Variants in ANKRD13D observed in about 807,000 individuals in gnomAD.
ANKRD13D encodes the protein ankyrin repeat domain 13D, also known as ankyrin repeat domain-containing protein 13D.
Under a neutral mutation model 68.8 loss-of-function variants are expected in ANKRD13D, and 24 were observed. The ratio of observed to expected loss-of-function variants is 0.35; its 90% CI spans 0.25 to 0.49. The LOEUF (loss-of-function observed/expected upper bound fraction) is 0.49, where lower values mean the gene tolerates loss of function less well. Among genes scored for constraint, ANKRD13D ranks in the 20% least tolerant of loss-of-function variants. ANKRD13D has a pLI of 0.99. For missense variants in ANKRD13D, 735 were observed against 832.1 expected (o/e 0.88, Z 1.44); for synonymous variants, 331 against 336.1 (o/e 0.98, Z 0.16).
chr11:67,290,348 G>A lies in ANKRD13D; in HGVS notation c.253G>A (p.Asp85Asn), dbSNP rs1258578607. 6.4e-7 allele frequency: 1 copy of A among 1,564,782 alleles called. No homozygotes were observed. Among genetic ancestry groups the A allele is most frequent in the East Asian group, 2.3e-5 (1 of 42,600 alleles). Residue 85 changes from aspartate (D) to asparagine (N), a missense_variant, in exon 3 of 15, where the codon GAC (aspartate) becomes AAC (asparagine). Transcript: ENST00000511455. ...AVLQEAVSTGDPEMVQLVLQY... is the reference protein window; with the variant it reads ...AVLQEAVSTGNPEMVQLVLQY... ...CCTGCAGGAGGCAGTCAGCACTGGA[G>A]ACCCCGAGATGGTGCAGCTGGTGCT...
In ANKRD13D at chr11:67,300,840, G is replaced by T; in HGVS notation, c.1074-150G>T. 4.0e-6 allele frequency: 4 copies of T among 991,354 alleles called. No individual in the cohort carries two copies. Among genetic ancestry groups the T allele is most frequent in the Non-Finnish European group, 4.3e-6 (3 of 693,332 alleles). The allele number at this position is 991,354 out of a possible 1,614,324, so 61.4% of individuals were successfully genotyped here. A position where few individuals can be genotyped will look rare whatever the true frequency, so the allele number is the denominator to read the frequency against. ...CCACGTGGCCAGGACACCAGCTCCC[G>T]GGGGAGGCGGGCAGCGGCATCTGAG... On this transcript the variant is annotated intron_variant, in intron 10 of 14. Transcript: ENST00000511455. The surrounding 1 kb of genome is among the most constrained non-coding windows in gnomAD (Gnocchi z 4.3).
rs770703820 is a variant in ANKRD13D, at chr11:67,300,969, G to T, written c.1074-21G>T. ...GGGCCACCAGCCGTGCCTCACCCATGTCCTGTGGTCGGCTGGGCAGGTTCA... is the reference window on the plus strand; with the variant it reads ...GGGCCACCAGCCGTGCCTCACCCATTTCCTGTGGTCGGCTGGGCAGGTTCA... On this transcript the variant is annotated intron_variant, in intron 10 of 14. Coordinates refer to ENST00000511455, the MANE Select transcript of ANKRD13D (RefSeq NM_207354.3). This position sits in a 1 kb window ranked among gnomAD's most constrained non-coding sequence, Gnocchi z 4.3. The T allele has an allele frequency of 1.2e-6, 2 of 1,613,034 alleles. No homozygotes were observed. The highest frequency in any genetic ancestry group is 2.2e-5 in the South Asian group (2 of 91,034).
At chr11:67,292,207 G>T in intron 6 of ANKRD13D, 27 bp downstream of exon 6, 1 of 1,563,470 alleles carries the variant, frequency 6.4e-7, no homozygotes, top group Non-Finnish European at 8.7e-7. Context: ...CACACCGTGG[G>T]TGGGATGGGG....
chr11:67,289,876 G>A (rs1267234319), intron 1 of ANKRD13D: 20 of 1,430,228 alleles, frequency 1.4e-5, no homozygotes, highest in Non-Finnish European at 1.6e-5. Context: ...ACCAGGCCCC[G>A]CCGCCAGACC....
At chr11:67,296,338 AGT>A (rs35848734) in intron 6 of ANKRD13D, among the ~76,000 whole-genome samples, 8,898 of 147,666 alleles carry the variant, frequency 0.06, 898 homozygotes, top group African/African-American at 0.21. Flanking sequence ...TTTGGGCCTG[AGT>A]GTGTGTGTGT....
At position 67,301,926 on chromosome 11, in the gene ANKRD13D, C is replaced by A; in HGVS notation, c.1604+103C>A. ...CTAGGACCCCAGGCCCTCTGCAAGG[C>A]CACCCTCTGTCAGCAGCGCTATCTG... On this transcript the variant is annotated intron_variant, in intron 14 of 14. Transcript: ENST00000511455. This position sits in a 1 kb window ranked among gnomAD's most constrained non-coding sequence, Gnocchi z 4.5. The A allele has an allele frequency of 7.3e-7, 1 of 1,378,214 alleles. No homozygotes were observed. The highest frequency in any genetic ancestry group is 9.7e-7 in the Non-Finnish European group (1 of 1,027,740). The allele number at this position is 1,378,214 out of a possible 1,614,324, so 85.4% of individuals were successfully genotyped here. A position where few individuals can be genotyped will look rare whatever the true frequency, so the allele number is the denominator to read the frequency against.
At chr11:67,294,806 G>A (rs905647065) in intron 6 of ANKRD13D, among the ~76,000 whole-genome samples, 3 of 152,020 alleles carry the variant, frequency 2.0e-5, no homozygotes, top group African/African-American at 7.3e-5. Flanking sequence ...CACCGTGCCT[G>A]GCCACTAAGG....
chr11:67,290,074 C>T lies in ANKRD13D; in HGVS notation c.91-4C>T, dbSNP rs1170783864. ...GCCCTTTGTGAGTGTCCCGTCTCCC[C>T]CAGCACGACATTGAACAGGAGGACC... On this transcript the variant is annotated splice_region_variant and splice_polypyrimidine_tract_variant and intron_variant, in intron 1 of 14. Coordinates refer to ENST00000511455, the MANE Select transcript of ANKRD13D (RefSeq NM_207354.3). 6 of 1,536,672 alleles carry T rather than the reference C, an allele frequency of 3.9e-6. No homozygotes were observed. The highest frequency in any genetic ancestry group is 5.2e-6 in the Non-Finnish European group (6 of 1,146,582).
At position 67,299,838 on chromosome 11, in the gene ANKRD13D, C is replaced by A; in HGVS notation, c.892C>A (p.Pro298Thr). ...CCCCTTCTCCGTAGCGGGGAAGACT[C>A]CATTCCAGTCCTTCCTGGGGATGGC... ...DKSRSKAGKT[P>T]FQSFLGMAQQ... Residue 298 changes from proline (P) to threonine (T), a missense_variant, in exon 9 of 15, where the codon CCA (proline) becomes ACA (threonine). By Grantham distance (38) the Pro-to-Thr change is conservative (BLOSUM62 -1). Transcript: ENST00000511455. This position sits in a 1 kb window ranked among gnomAD's most constrained non-coding sequence, Gnocchi z 6.2. 1 of 1,535,426 alleles carries A rather than the reference C, an allele frequency of 6.5e-7. No individual in the cohort carries two copies. The highest frequency in any genetic ancestry group is 1.3e-5 in the South Asian group (1 of 78,980).
chr11:67,291,818 C>T (rs560527099), intron 5 of ANKRD13D, 72 bp downstream of exon 5: 3 of 1,573,980 alleles, frequency 1.9e-6, no homozygotes, highest in East Asian at 4.5e-5. Context: ...ACGGTGCTGC[C>T]TTTTCTCTCC....
Position 67,300,322 on chromosome 11 carries a change from T to G in ANKRD13D, c.1073+199T>G, listed in dbSNP as rs1000991552. The G allele has an allele frequency of 1.5e-6, 1 of 667,252 alleles. No individual in the cohort carries two copies. The highest frequency in any genetic ancestry group is 2.2e-5 in the South Asian group (1 of 46,196). The allele number at this position is 667,252 out of a possible 1,614,324, so 41.3% of individuals were successfully genotyped here. A position where few individuals can be genotyped will look rare whatever the true frequency, so the allele number is the denominator to read the frequency against. ...GGCTTGGCACAGAAAACCGGTAGTT[T>G]GTCTTTGATGAATGGATGGTGCCAC... On this transcript the variant is annotated intron_variant, in intron 10 of 14. Transcript: ENST00000511455. This position sits in a 1 kb window ranked among gnomAD's most constrained non-coding sequence, Gnocchi z 4.3.
rs1367514224 is a variant in ANKRD13D at position 67,291,391 on chromosome 11, T to C, written c.352-85T>C. 7 of 1,046,088 alleles carry C rather than the reference T, an allele frequency of 6.7e-6. No individual in the cohort carries two copies. The Admixed American group carries it at 1.1e-4, about 16-fold the overall frequency. The allele number at this position is 1,046,088 out of a possible 1,614,324, so 64.8% of individuals were successfully genotyped here. A position where few individuals can be genotyped will look rare whatever the true frequency, so the allele number is the denominator to read the frequency against. Reference sequence around the variant, plus strand: ...AAAAAAAAAAGACCTGATGAAGGGCTGGGCTGGCTGTGGACAAGGGGCTCC... The same window carrying C: ...AAAAAAAAAAGACCTGATGAAGGGCCGGGCTGGCTGTGGACAAGGGGCTCC... On this transcript the variant is annotated intron_variant, in intron 3 of 14. Transcript: ENST00000511455.
At chr11:67,289,935 G>A in intron 1 of ANKRD13D, 143 bp from the exon 2 acceptor site, 2 of 1,443,488 alleles carry the variant, frequency 1.4e-6, no homozygotes, top group African/African-American at 1.4e-5. Flanking sequence ...CCCCTGCCAG[G>A]ACACGCAGGC....
Position 67,301,152 on chromosome 11 carries a change from G to A in ANKRD13D, c.1231+5G>A. On this transcript the variant is annotated splice_donor_5th_base_variant and intron_variant, in intron 11 of 14. Coordinates refer to ENST00000511455, the MANE Select transcript of ANKRD13D (RefSeq NM_207354.3). The surrounding 1 kb of genome is among the most constrained non-coding windows in gnomAD (Gnocchi z 4.5). Reference sequence around the variant, plus strand: ...CTGGCTTCCCCGTCAAAATTGGTGAGAGGCTGGGCACAGGCAGCGGGAGGA... The same window carrying A: ...CTGGCTTCCCCGTCAAAATTGGTGAAAGGCTGGGCACAGGCAGCGGGAGGA... 6.2e-7 allele frequency: 1 copy of A among 1,613,332 alleles called. No homozygotes were observed.
Position 67,301,969 on chromosome 11 carries a change from A to T in ANKRD13D, c.1604+146A>T. On this transcript the variant is annotated intron_variant, in intron 14 of 14. Transcript: ENST00000511455. This position sits in a 1 kb window ranked among gnomAD's most constrained non-coding sequence, Gnocchi z 4.5. Reference sequence around the variant, plus strand: ...GCTATCTGCCACCAAAGGTGGTGTGAGGGGTGGGGAAGCAGGGCCCTGCCT... The same window carrying T: ...GCTATCTGCCACCAAAGGTGGTGTGTGGGGTGGGGAAGCAGGGCCCTGCCT... 7.5e-7 allele frequency: 1 copy of T among 1,329,700 alleles called. No homozygotes were observed. The highest frequency in any genetic ancestry group is 1.0e-6 in the Non-Finnish European group (1 of 988,538). 82.4% of individuals were successfully genotyped at this position (1,329,700 alleles called of 1,614,324 possible).
chr11:67,289,432 G>C lies in ANKRD13D; in HGVS notation c.-29G>C. 1 of 1,414,260 alleles carries C rather than the reference G, an allele frequency of 7.1e-7. No homozygotes were observed. Among genetic ancestry groups the C allele is most frequent in the African/African-American group, 1.5e-5 (1 of 66,660 alleles). 87.6% of individuals were successfully genotyped at this position (1,414,260 alleles called of 1,614,324 possible). On this transcript the variant is annotated 5_prime_UTR_variant, in exon 1 of 15. Coordinates refer to ENST00000511455, the MANE Select transcript of ANKRD13D (RefSeq NM_207354.3). ...GCCGTGCCAGGCCCGAAGCCGAGGCGGGGCCGGGATGCGGCGCTGAGGCCC... is the reference window on the plus strand; with the variant it reads ...GCCGTGCCAGGCCCGAAGCCGAGGCCGGGCCGGGATGCGGCGCTGAGGCCC...
At chr11:67,294,392 T>C (rs1268279048) in intron 6 of ANKRD13D, among the ~76,000 whole-genome samples, 1 of 152,234 alleles carries the variant, frequency 6.6e-6, no homozygotes, top group Admixed American at 6.5e-5. Context: ...ATGTTAAGTC[T>C]TCTAATCCGT....
At position 67,301,785 on chromosome 11, in the gene ANKRD13D, C is replaced by T. The variant is rs1468414712; in HGVS notation, c.1566C>T (p.Pro522=). 1 of 1,608,944 alleles carries T rather than the reference C, an allele frequency of 6.2e-7. No homozygotes were observed. Among genetic ancestry groups the T allele is most frequent in the African/African-American group, 1.3e-5 (1 of 75,024 alleles). Residue 522 remains proline (P), a synonymous_variant, in exon 14 of 15, where the codon CCC becomes CCT. Coordinates refer to ENST00000511455, the MANE Select transcript of ANKRD13D (RefSeq NM_207354.3). The surrounding 1 kb of genome is among the most constrained non-coding windows in gnomAD (Gnocchi z 4.5). The stretch of plus-strand genomic sequence containing the variant: ...CCCGGCCCGGTGCCCGCCCTCCTCC[C>T]CAGGCCACGGTTTATGAGGAACAGC... ...TNTRPGARPP[P]QATVYEEQLQ... is the part of the protein sequence containing the mutation.
In ANKRD13D at chr11:67,301,278, A is replaced by G. The variant is rs1380080490; in HGVS notation, c.1232-4A>G. ...AGGGCTCAGGCGTGGCTGTCTTCTCACAGAGATTCCCCTTTTCCACGTGCT... is the reference window on the plus strand; with the variant it reads ...AGGGCTCAGGCGTGGCTGTCTTCTCGCAGAGATTCCCCTTTTCCACGTGCT... On this transcript the variant is annotated splice_region_variant and splice_polypyrimidine_tract_variant and intron_variant, in intron 11 of 14. Coordinates refer to ENST00000511455, the MANE Select transcript of ANKRD13D (RefSeq NM_207354.3). This position sits in a 1 kb window ranked among gnomAD's most constrained non-coding sequence, Gnocchi z 4.5. The G allele has an allele frequency of 2.5e-6, 4 of 1,609,142 alleles. No homozygotes were observed. The highest frequency in any genetic ancestry group is 2.5e-6 in the Non-Finnish European group (3 of 1,177,414).
Sources: gnomAD v4.1 joint callset for allele counts (sites outside exome capture counted in the v4.1 genomes callset) on GRCh38, gnomAD v4.1.1 for gene constraint, Gnocchi (gnomAD v3.1) non-coding constraint, MANE v1.5 for transcripts, NCBI Gene and HGNC (gene_info 2026-07-23, HGNC 2026-07-21) for gene names.